The following BDP1 variants were observed in gnomAD, a reference collection of about 807,000 sequenced individuals.
The protein encoded by BDP1 is BDP1 general transcription factor IIIB subunit, also known as transcription factor TFIIIB component B'' homolog.
Under a neutral mutation model 266.6 loss-of-function variants are expected in BDP1, and 169 were observed. The observed-to-expected ratio is 0.63, with a 90% CI of 0.56 to 0.72. BDP1 has a LOEUF of 0.72. Among genes scored for constraint, BDP1 ranks in the 30% least tolerant of loss-of-function variants. The pLI, the probability that BDP1 is intolerant of heterozygous loss-of-function variation, is 0.00. For missense variants in BDP1, 3,015 were observed against 3,053.8 expected (o/e 0.99, Z 0.30); for synonymous variants, 1,090 against 1,022.4 (o/e 1.07, Z -1.26).
chr5:71,545,543 C>G (rs1742225072), intron 32 of BDP1: 1 of 286,458 alleles, frequency 3.5e-6, no homozygotes, highest in South Asian at 5.0e-5. Flanking sequence ...ATTGGCCAGG[C>G]TGGTCTTGAA....
chr5:71,456,144 A>T lies in BDP1; in HGVS notation c.212+55A>T, dbSNP rs1761171727. The T allele has an allele frequency of 3.3e-6, 5 of 1,518,666 alleles. No individual in the cohort carries two copies. The East Asian group carries it at 1.1e-4, about 35-fold the overall frequency. 94.1% of individuals were successfully genotyped at this position (1,518,666 alleles called of 1,614,324 possible). On this transcript the variant is annotated intron_variant, in intron 1 of 38. Transcript: ENST00000358731. ...TTTGTCCCGCCTCTCCGGGCATGTC[A>T]CCTGGAAGCTGAGCAAATGAATTTT... is the stretch of plus-strand genomic sequence containing the variant.
At chr5:71,491,279 T>C (rs896536115) in intron 11 of BDP1, 148 bp downstream of exon 11, 12 of 721,638 alleles carry the variant, frequency 1.7e-5, no homozygotes, top group Non-Finnish European at 2.7e-5. Flanking sequence ...GCTCTGTTGT[T>C]AGGTGTGTAC....
In BDP1 at chr5:71,468,677, G is replaced by C. The variant is rs563505428; in HGVS notation, c.919+1190G>C. On this transcript the variant is annotated intron_variant, in intron 6 of 38. Coordinates refer to ENST00000358731, the MANE Select transcript of BDP1 (RefSeq NM_018429.3). ...GCTGGAGTGCGGTGGCGCGATCTCGGCTCACTGCAACCTCTGCTTCCTGGG... is the reference window on the plus strand; with the variant it reads ...GCTGGAGTGCGGTGGCGCGATCTCGCCTCACTGCAACCTCTGCTTCCTGGG... Among the ~76,000 whole-genome samples, 7 of 150,410 alleles carry C rather than the reference G, an allele frequency of 4.7e-5. No individual in the cohort carries two copies. In the East Asian group the frequency reaches 1.4e-3, roughly 30 times the overall value.
Position 71,468,236 on chromosome 5 carries a change from C to G in BDP1, c.919+749C>G, listed in dbSNP as rs572574496. On this transcript the variant is annotated intron_variant, in intron 6 of 38. Transcript: ENST00000358731. ...GTTTTATCATGTTGGCCAGGCTGCT[C>G]TCAAACTCCTGACCTCAGGTGGTCT... Among the ~76,000 whole-genome samples the G allele has an allele frequency of 2.0e-5, 3 of 152,160 alleles. No homozygotes were observed. In the South Asian group the frequency reaches 6.2e-4, roughly 32 times the overall value.
chr5:71,522,554 A>C (rs755119564), intron 23 of BDP1, 64 bp downstream of exon 23: 4 of 1,379,524 alleles, frequency 2.9e-6, no homozygotes, highest in Non-Finnish European at 4.0e-6. Flanking sequence ...TGTCAAGATC[A>C]TGAAGAGCAT....
chr5:71,483,217 A>T (rs932658191), intron 7 of BDP1, among the ~76,000 whole-genome samples: 4 of 152,196 alleles, frequency 2.6e-5, no homozygotes, highest in Admixed American at 2.6e-4. Flanking sequence ...TGTTTGCGTG[A>T]TCAGACGTCT....
rs771411231 is a variant in BDP1 at position 71,511,700 on chromosome 5, A to T, written c.4060-541A>T. Among the ~76,000 whole-genome samples, 81 of 151,818 alleles carry T rather than the reference A, an allele frequency of 5.3e-4. 1 individual carries two copies. Among genetic ancestry groups the T allele is most frequent in the African/African-American group, 1.6e-3 (68 of 41,398 alleles). Reference sequence around the variant, plus strand: ...TGAAAAAGTCACTGTTATTATTATTATTTTTTTTCTTTAAGTCAGATGGGC... The same window carrying T: ...TGAAAAAGTCACTGTTATTATTATTTTTTTTTTTCTTTAAGTCAGATGGGC... On this transcript the variant is annotated intron_variant, in intron 17 of 38. Transcript: ENST00000358731.
chr5:71,468,087 C>T (rs1408587343), intron 6 of BDP1, among the ~76,000 whole-genome samples: 13 of 151,978 alleles, frequency 8.6e-5, no homozygotes, highest in Non-Finnish European at 1.8e-4. Context: ...GGCACGATCT[C>T]GGCTCACTGC....
Position 71,553,313 on chromosome 5 carries a change from C to A in BDP1, c.7193C>A (p.Thr2398Asn). The change falls in exon 35 of 39, where the codon ACC (threonine) becomes AAC (asparagine). Residue 2398 changes from threonine (T) to asparagine (N), a missense_variant. Around this residue, in one of 3 missense-constraint regions of BDP1, gnomAD observed 629 missense variants for 632.5 expected, o/e 0.99. Transcript: ENST00000358731. ...TTAAGAGATGACTGTCAAGAATATA[C>A]CACTGAGGTAAGTGGTATATTAAGT... ...LTLRDDCQEY[T>N]TEVHSKELTN... 1 of 1,611,276 alleles carries A rather than the reference C, an allele frequency of 6.2e-7. No homozygotes were observed. The highest frequency in any genetic ancestry group is 8.5e-7 in the Non-Finnish European group (1 of 1,179,054).
chr5:71,553,497 T>C (rs1353440988), intron 35 of BDP1, among the ~76,000 whole-genome samples, 177 bp downstream of exon 35: 1 of 152,226 alleles, frequency 6.6e-6, no homozygotes, highest in African/African-American at 2.4e-5. Flanking sequence ...TTATCACTTT[T>C]AACCAATGGT....
intron 38 of BDP1, among the ~76,000 whole-genome samples, chr5:71,564,243 T>G (rs191640988): frequency 4.6e-5 from 7 of 152,308 alleles, no homozygotes; most frequent in African/African-American, 1.7e-4. Context: ...TGTCTTAATT[T>G]GTTTATAGAT....
At chr5:71,467,071 A>C (rs1165385876) in intron 5 of BDP1, among the ~76,000 whole-genome samples, 1 of 152,224 alleles carries the variant, frequency 6.6e-6, no homozygotes, top group East Asian at 1.9e-4. Context: ...GCAAGTCAAT[A>C]ATACAAATAC....
At chr5:71,473,182 G>C (rs1762368960) in intron 7 of BDP1, among the ~76,000 whole-genome samples, 2 of 150,092 alleles carry the variant, frequency 1.3e-5, no homozygotes, top group Non-Finnish European at 1.5e-5. Flanking sequence ...ACTTGTCCTA[G>C]CCTCTTTTTT....
At position 71,481,046 on chromosome 5, in the gene BDP1, C is replaced by T. The variant is rs371507034; in HGVS notation, c.1015-2796C>T. Among the ~76,000 whole-genome samples, 31 of 151,990 alleles carry T rather than the reference C, an allele frequency of 2.0e-4. No individual in the cohort carries two copies. In the South Asian group the frequency reaches 2.9e-3, roughly 14 times the overall value. ...AAAATTAGCCAGGCGTGGTGGCGTG[C>T]GCCTGTAGTCCCAGCTACTTGGGAG... On this transcript the variant is annotated intron_variant, in intron 7 of 38. Transcript: ENST00000358731.
At chr5:71,575,218 G>C in the BDP1 span, among the ~76,000 whole-genome samples, 1 of 152,196 alleles carries the variant, frequency 6.6e-6, no homozygotes, top group Non-Finnish European at 1.5e-5. Context: ...AAAAGGTCTG[G>C]GGAGGTTCCT....
At chr5:71,507,534 A>T (rs187812553) in intron 16 of BDP1, among the ~76,000 whole-genome samples, 5 of 152,352 alleles carry the variant, frequency 3.3e-5, no homozygotes, top group Admixed American at 6.5e-5. Context: ...CTTTGCTTCA[A>T]GCATTTATAT....
In BDP1 at chr5:71,489,641, C is replaced by T. The variant is rs1042265016; in HGVS notation, c.1451C>T (p.Ala484Val). 1.9e-6 allele frequency: 3 copies of T among 1,613,710 alleles called. No homozygotes were observed. The highest frequency in any genetic ancestry group is 1.7e-5 in the Admixed American group (1 of 59,968). Residue 484 changes from alanine (A) to valine (V), a missense_variant, in exon 10 of 39, where the codon GCC (alanine) becomes GTC (valine). Physicochemically the swap from Ala to Val is moderately conservative, Grantham distance 64 (BLOSUM62 0). Coordinates refer to ENST00000358731, the MANE Select transcript of BDP1 (RefSeq NM_018429.3). ...GGAGTAAACAATCTTTTAGAAAATG[C>T]CACTGTTCAGGCGGGTCCTTCTAAA... ...ELGVNNLLEN[A>V]TVQAGPSKGE... is the part of the protein sequence containing the mutation.
Position 71,458,652 on chromosome 5 carries a change from A to G in BDP1, c.286A>G (p.Lys96Glu), listed in dbSNP as rs753696968. ...RSSSTVSQRR[K>E]RISSTSSLVK... The stretch of plus-strand genomic sequence containing the variant: ...TTCCTCTACTGTTTCACAGAGAAGA[A>G]AGCGAATATCAAGTACTTCTAGCCT... Residue 96 changes from lysine (K) to glutamate (E), a missense_variant, in exon 2 of 39, where the codon AAG becomes GAG. By Grantham distance (56) the Lys-to-Glu change is moderately conservative. Coordinates refer to ENST00000358731, the MANE Select transcript of BDP1 (RefSeq NM_018429.3). 1.4e-5 allele frequency: 22 copies of G among 1,613,802 alleles called. No homozygotes were observed. The highest frequency in any genetic ancestry group is 1.7e-5 in the Non-Finnish European group (20 of 1,179,798).
chr5:71,525,599 A>G (rs6862113), intron 25 of BDP1, among the ~76,000 whole-genome samples: 1 of 57,848 alleles, frequency 1.7e-5, no homozygotes, highest in African/African-American at 7.4e-5. Flanking sequence ...CTGACCCCCC[A>G]ACCTCCTTCC....
Sources: gnomAD v4.1 joint callset for allele counts (sites outside exome capture counted in the v4.1 genomes callset) on GRCh38, gnomAD v4.1.1 for gene constraint, gnomAD v4.1.1 regional missense constraint, MANE v1.5 for transcripts, NCBI Gene and HGNC (gene_info 2026-07-23, HGNC 2026-07-21) for gene names.